ABCC5: variants seen among roughly 807,000 people sequenced by gnomAD.
ABCC5 encodes ATP-binding cassette sub-family C member 5.
Under a neutral mutation model 160.9 loss-of-function variants are expected in ABCC5, and 61 were observed. The ratio of observed to expected loss-of-function variants is 0.38; its 90% CI spans 0.31 to 0.47. The LOEUF (loss-of-function observed/expected upper bound fraction) is 0.47. Among genes scored for constraint, ABCC5 ranks in the 20% least tolerant of loss-of-function variants. The probability of loss-of-function intolerance (pLI) is 0.99; values close to 1 mark genes in which losing one functional copy is unlikely to be tolerated. For missense variants in ABCC5, 1,308 were observed against 1,813.3 expected (o/e 0.72, Z 5.06); for synonymous variants, 666 against 700.6 (o/e 0.95, Z 0.78).
Position 183,961,562 on chromosome 3 carries a change from G to A in ABCC5, c.2328C>T (p.Asp776=), listed in dbSNP as rs1445984420. ...ACAGGTTATTAAAAATGGTAGCATA[G>A]TCACCATTTAAATTCATCAGTTCCT... The part of the protein sequence containing the change: ...THEELMNLNG[D]YATIFNNLLL... The change falls in exon 16 of 30, where the codon GAC becomes GAT. Residue 776 remains aspartate (D), a synonymous_variant. Transcript: ENST00000334444. 1.2e-6 allele frequency: 2 copies of A among 1,614,050 alleles called. No homozygotes were observed. Among genetic ancestry groups the A allele is most frequent in the African/African-American group, 2.7e-5 (2 of 74,906 alleles).
intron 1 of ABCC5, among the ~76,000 whole-genome samples, chr3:184,015,489 C>A (rs1004615901): frequency 2.0e-5 from 3 of 152,178 alleles, no homozygotes; most frequent in Non-Finnish European, 2.9e-5. Flanking sequence ...AAAACTACTA[C>A]TTCTGCAGCA....
At chr3:183,932,838 T>G (rs966454879) in intron 26 of ABCC5, among the ~76,000 whole-genome samples, 1 of 152,100 alleles carries the variant, frequency 6.6e-6, no homozygotes, top group African/African-American at 2.4e-5. Flanking sequence ...GTCTGTCTTA[T>G]GAAGTTTTGA....
At chr3:183,936,702 G>C (rs1416024808) in intron 26 of ABCC5, among the ~76,000 whole-genome samples, 1 of 152,108 alleles carries the variant, frequency 6.6e-6, no homozygotes. Flanking sequence ...TAGAGACGGG[G>C]TTTCACCGTG....
intron 2 of ABCC5, among the ~76,000 whole-genome samples, chr3:183,994,855 G>GTTTTTT (rs71632005): frequency 1.1e-4 from 12 of 109,702 alleles, no homozygotes; most frequent in Admixed American, 5.5e-4. Context: ...CATTTTCTAT[G>GTTTTTT]TTTTTTTTTT....
chr3:183,970,545 A>G (rs1403715776), intron 11 of ABCC5, among the ~76,000 whole-genome samples: 1 of 151,926 alleles, frequency 6.6e-6, no homozygotes, highest in Non-Finnish European at 1.5e-5. Flanking sequence ...CCTGGGCTCA[A>G]GCAATTCTCC....
At chr3:183,956,613 ATC>A (rs1375825632) in intron 17 of ABCC5, among the ~76,000 whole-genome samples, 1 of 150,512 alleles carries the variant, frequency 6.6e-6, no homozygotes, top group Non-Finnish European at 1.5e-5. Context: ...TGTATATCAC[ATC>A]TGTTACATGC....
rs1020345371 is a variant in ABCC5 at position 183,930,770 on chromosome 3, C to G, written c.3855-1945G>C. Among the ~76,000 whole-genome samples the G allele has an allele frequency of 2.0e-5, 3 of 152,290 alleles. No homozygotes were observed. In the South Asian group the frequency reaches 6.2e-4, roughly 32 times the overall value. On this transcript the variant is annotated intron_variant, in intron 26 of 29. Coordinates refer to ENST00000334444, the MANE Select transcript of ABCC5 (RefSeq NM_005688.4). Reference sequence around the variant, plus strand: ...CAGTGGCAGCATGGCCCAAATGACACTTTGATTTTAGACTTCCAGCCCCCG... The same window carrying G: ...CAGTGGCAGCATGGCCCAAATGACAGTTTGATTTTAGACTTCCAGCCCCCG...
chr3:183,945,834 C>A lies in ABCC5; in HGVS notation c.3504+16G>T. ...AGAGGAGTCAGATCACGGTAAAAGG[C>A]CTACAGCAGTCTGACCTTAATGTAG... On this transcript the variant is annotated intron_variant, in intron 24 of 29. Transcript: ENST00000334444. 6.2e-7 allele frequency: 1 copy of A among 1,609,456 alleles called. No homozygotes were observed. Among genetic ancestry groups the A allele is most frequent in the East Asian group, 2.2e-5 (1 of 44,842 alleles).
chr3:183,951,704 G>A lies in ABCC5; in HGVS notation c.2815-134C>T. On this transcript the variant is annotated intron_variant, in intron 19 of 29. Transcript: ENST00000334444. The surrounding 1 kb of genome is among the most constrained non-coding windows in gnomAD (Gnocchi z 4.7). The stretch of plus-strand genomic sequence containing the variant: ...GTCAGGAGGGACAGGTGGCAAGTGA[G>A]AAAAGGTGGAGGCTAACGGAATATG... The A allele has an allele frequency of 6.8e-7, 1 of 1,470,520 alleles. No individual in the cohort carries two copies. The highest frequency in any genetic ancestry group is 1.3e-5 in the South Asian group (1 of 78,390). The allele number at this position is 1,470,520 out of a possible 1,614,324, so 91.1% of individuals were successfully genotyped here.
chr3:183,961,571 T>C lies in ABCC5; in HGVS notation c.2319A>G (p.Leu773=), dbSNP rs755050237. ...TAAAAATGGTAGCATAGTCACCATT[T>C]AAATTCATCAGTTCCTCATGGGTGC... The part of the protein sequence containing the change: ...ERGTHEELMN[L]NGDYATIFNN... Residue 773 remains leucine, a synonymous_variant, in exon 16 of 30, where the codon TTA becomes TTG. Transcript: ENST00000334444. The C allele has an allele frequency of 6.2e-7, 1 of 1,614,224 alleles. No individual in the cohort carries two copies. Among genetic ancestry groups the C allele is most frequent in the Non-Finnish European group, 8.5e-7 (1 of 1,180,034 alleles).
In ABCC5 at chr3:183,953,217, A is replaced by G. The variant is rs376174145; in HGVS notation, c.2536T>C (p.Tyr846His). The G allele has an allele frequency of 1.9e-5, 30 of 1,614,180 alleles. No individual in the cohort carries two copies. The highest frequency in any genetic ancestry group is 2.2e-5 in the Non-Finnish European group (26 of 1,180,016). The change falls in exon 18 of 30, where the codon TAT (tyrosine) becomes CAT (histidine). Residue 846 changes from tyrosine (Y) to histidine (H), a missense_variant. By Grantham distance (83) the Tyr-to-His change is moderately conservative. Transcript: ENST00000334444. ...KGQGSVPWSV[Y>H]GVYIQAAGGP... The stretch of plus-strand genomic sequence containing the variant: ...CCAGCAGCCTGGATGTAGACACCAT[A>G]TACTGACCAGGGCACTGAACCCTGC...
chr3:183,945,354 C>T (rs182857987), intron 24 of ABCC5, among the ~76,000 whole-genome samples: 57 of 152,260 alleles, frequency 3.7e-4, no homozygotes, highest in African/African-American at 1.2e-3. Flanking sequence ...TAAATTTACT[C>T]GTTTGTAAGT....
At chr3:183,947,302 C>T (rs760588230) in intron 23 of ABCC5, 22 bp downstream of exon 23, 64 of 1,559,020 alleles carry the variant, frequency 4.1e-5, no homozygotes, top group South Asian at 2.4e-4. Flanking sequence ...GCAAAGATGA[C>T]GCTCCTATCC....
intron 2 of ABCC5, among the ~76,000 whole-genome samples, chr3:183,998,942 T>C (rs1412354430): frequency 6.6e-6 from 1 of 151,628 alleles, no homozygotes; most frequent in Non-Finnish European, 1.5e-5. Flanking sequence ...ATACAAAAAT[T>C]AGGCGGGCAT....
intron 2 of ABCC5, among the ~76,000 whole-genome samples, chr3:184,004,941 C>T (rs889022219): frequency 2.0e-5 from 3 of 152,154 alleles, no homozygotes; most frequent in African/African-American, 7.2e-5. Flanking sequence ...TCCTTTTTAG[C>T]GAGATTTGCT....
intron 25 of ABCC5, among the ~76,000 whole-genome samples, chr3:183,938,879 G>A (rs1017319592): frequency 6.6e-6 from 1 of 152,158 alleles, no homozygotes; most frequent in Admixed American, 6.5e-5. Flanking sequence ...GTTTTGCCTC[G>A]ACTCAATGAG....
Position 183,988,005 on chromosome 3 carries a change from G to A in ABCC5, c.444-88C>T. ...GCCTGCCACCACTTTTTGTCTCCAG[G>A]TTTTGCCACCACTCACACAAGTCTC... is the stretch of plus-strand genomic sequence containing the variant. On this transcript the variant is annotated intron_variant, in intron 4 of 29. Transcript: ENST00000334444. The surrounding 1 kb of genome is among the most constrained non-coding windows in gnomAD (Gnocchi z 4.4). The A allele has an allele frequency of 1.4e-6, 2 of 1,473,408 alleles. No individual in the cohort carries two copies. Among genetic ancestry groups the A allele is most frequent in the East Asian group, 4.5e-5 (2 of 44,018 alleles). 91.3% of individuals were successfully genotyped at this position (1,473,408 alleles called of 1,614,324 possible). A position where few individuals can be genotyped will look rare whatever the true frequency, so the allele number is the denominator to read the frequency against.
At chr3:183,927,031 A>G (rs1712646602) in intron 28 of ABCC5, among the ~76,000 whole-genome samples, 1 of 152,062 alleles carries the variant, frequency 6.6e-6, no homozygotes. Flanking sequence ...GAGACAGAGC[A>G]AGACTCCGTC....
At chr3:184,015,246 T>A (rs1008810300) in intron 1 of ABCC5, among the ~76,000 whole-genome samples, 1 of 152,230 alleles carries the variant, frequency 6.6e-6, no homozygotes, top group Non-Finnish European at 1.5e-5. Flanking sequence ...AACTCTATTC[T>A]AAACCACTGC....
Sources: gnomAD v4.1 joint callset for allele counts (sites outside exome capture counted in the v4.1 genomes callset) on GRCh38, gnomAD v4.1.1 for gene constraint, Gnocchi (gnomAD v3.1) non-coding constraint, MANE v1.5 for transcripts, NCBI Gene and HGNC (gene_info 2026-07-23, HGNC 2026-07-21) for gene names.